The following CHD9 variants were observed in gnomAD, a reference collection of about 807,000 sequenced individuals.
The protein encoded by CHD9 is ATP-dependent chromatin remodeler CHD9.
A neutral mutation model predicts 316.1 loss-of-function variants in CHD9; 77 were observed. That is an observed-to-expected ratio of 0.24 (90% confidence interval 0.20 to 0.29). CHD9 has a LOEUF of 0.29. CHD9 is among the 10% of genes least tolerant of loss of function. The pLI is 1.00. For synonymous variants in CHD9, 1,129 were observed against 1,158.3 expected (o/e 0.97, Z 0.51); for missense variants, 2,763 against 3,438.1 (o/e 0.80, Z 4.91).
At chr16:53,205,154 A>C (rs1443797023) in intron 2 of CHD9, among the ~76,000 whole-genome samples, 1 of 152,130 alleles carries the variant, frequency 6.6e-6, no homozygotes, top group Non-Finnish European at 1.5e-5. Flanking sequence ...TATTTTAATC[A>C]TACAAGCTCA....
chr16:53,268,210 AG>A (rs1348077626), intron 22 of CHD9, 84 bp downstream of exon 22: 11 of 960,210 alleles, frequency 1.1e-5, no homozygotes, highest in African/African-American at 3.3e-5. Flanking sequence ...AAAATATAAA[AG>A]CATTACAAAT....
chr16:53,169,138 G>A (rs867210193), intron 2 of CHD9: 2 of 152,302 alleles, frequency 1.3e-5, no homozygotes, highest in Non-Finnish European at 2.9e-5. Flanking sequence ...TTGAGCATAG[G>A]AGGTCAAAGC....
intron 24 of CHD9, among the ~76,000 whole-genome samples, chr16:53,277,740 A>G (rs900771493): frequency 6.6e-6 from 1 of 152,212 alleles, no homozygotes; most frequent in African/African-American, 2.4e-5. Context: ...TGATCAACAT[A>G]GTACTGGAAG....
chr16:53,198,787 T>C (rs2045181502), intron 2 of CHD9, among the ~76,000 whole-genome samples: 1 of 152,166 alleles, frequency 6.6e-6, no homozygotes, highest in Non-Finnish European at 1.5e-5. Context: ...GAATATTGAA[T>C]CTTGTCACAT....
intron 37 of CHD9, among the ~76,000 whole-genome samples, chr16:53,319,412 A>C (rs78507458): frequency 1.2e-4 from 18 of 152,354 alleles, no homozygotes; most frequent in African/African-American, 3.6e-4. Flanking sequence ...AGTTGTTTTA[A>C]TATTGTTGGG....
At chr16:53,138,491 GA>G (rs2039879395) in intron 1 of CHD9, among the ~76,000 whole-genome samples, 1 of 152,198 alleles carries the variant, frequency 6.6e-6, no homozygotes, top group Admixed American at 6.5e-5. Context: ...CCATAGGGAA[GA>G]AAATTCAAGG....
chr16:53,206,599 T>A (rs1362272529), intron 2 of CHD9, among the ~76,000 whole-genome samples: 1 of 152,156 alleles, frequency 6.6e-6, no homozygotes, highest in African/African-American at 2.4e-5. Flanking sequence ...TCCCCCAGTA[T>A]CCTCATATAA....
At chr16:53,278,573 A>G (rs1745099128) in intron 24 of CHD9, among the ~76,000 whole-genome samples, 1 of 152,214 alleles carries the variant, frequency 6.6e-6, no homozygotes, top group South Asian at 2.1e-4. Context: ...ATGAAACTGG[A>G]TCCTCTTTTC....
intron 20 of CHD9, among the ~76,000 whole-genome samples, chr16:53,265,257 C>T (rs2051542464): frequency 6.6e-6 from 1 of 151,926 alleles, no homozygotes; most frequent in Non-Finnish European, 1.5e-5. Context: ...TTAAAATTAG[C>T]TAGGCGTGAT....
intron 1 of CHD9, among the ~76,000 whole-genome samples, chr16:53,143,560 T>C (rs2040317323): frequency 6.6e-6 from 1 of 151,898 alleles, no homozygotes; most frequent in Admixed American, 6.6e-5. Context: ...GCTAATTTTT[T>C]GTATTTTTAG....
At chr16:53,171,722 C>T (rs909495191) in intron 2 of CHD9, among the ~76,000 whole-genome samples, 4 of 150,782 alleles carry the variant, frequency 2.7e-5, no homozygotes, top group Non-Finnish European at 5.9e-5. Context: ...TGTGGTGATA[C>T]GCACCTGTAG....
intron 36 of CHD9, among the ~76,000 whole-genome samples, 153 bp downstream of exon 36, chr16:53,315,197 A>AT (rs1250263820): frequency 4.6e-5 from 7 of 152,328 alleles, no homozygotes; most frequent in African/African-American, 1.7e-4. Flanking sequence ...CATCCTTCCC[A>AT]TGATACAATA....
chr16:53,254,648 T>G, intron 18 of CHD9, 43 bp downstream of exon 18: 1 of 1,538,384 alleles, frequency 6.5e-7, no homozygotes, highest in Non-Finnish European at 8.8e-7. Flanking sequence ...TGTGTGTTTT[T>G]GCATTTGATT....
At chr16:53,320,080 G>A (rs1417705901) in intron 37 of CHD9, 1 of 168,114 alleles carries the variant, frequency 5.9e-6, no homozygotes, top group Non-Finnish European at 1.2e-5. Flanking sequence ...GGAAGTTCAG[G>A]AGGGATGATT....
At chr16:53,226,255 G>A (rs2047645339) in intron 4 of CHD9, 111 bp from the exon 5 acceptor site, 1 of 640,732 alleles carries the variant, frequency 1.6e-6, no homozygotes, top group Middle Eastern at 4.4e-4. Context: ...AGTACATTGA[G>A]TGTCATGTTG....
intron 5 of CHD9, 65 bp downstream of exon 5, chr16:53,226,577 C>T (rs771317689): frequency 1.1e-5 from 17 of 1,523,184 alleles, no homozygotes; most frequent in Non-Finnish European, 1.4e-5. Flanking sequence ...TAAATACTTG[C>T]ATTGTTTTTC....
chr16:53,252,072 A>G (rs1306677657), intron 17 of CHD9, among the ~76,000 whole-genome samples: 1 of 152,174 alleles, frequency 6.6e-6, no homozygotes, highest in Non-Finnish European at 1.5e-5. Context: ...ATATAGAACC[A>G]AAAAAGAGCC....
intron 2 of CHD9, among the ~76,000 whole-genome samples, chr16:53,163,442 T>A (rs930153455): frequency 5.3e-5 from 8 of 152,162 alleles, no homozygotes; most frequent in African/African-American, 1.9e-4. Flanking sequence ...ACTACCGACC[T>A]CAGGTGATCT....
chr16:53,120,580 T>A lies in CHD9; in HGVS notation c.-164-35346T>A, dbSNP rs372034174. ...GTAAGCCGAGATCGCACCATTGCAC[T>A]CCAGCCTGGGCAACAAGAGTGAAAC... On this transcript the variant is annotated intron_variant, in intron 1 of 38. Transcript: ENST00000447540. 6.6e-5 allele frequency among the ~76,000 whole-genome samples: 10 copies of A among 152,068 alleles called. No homozygotes were observed. The East Asian group carries it at 1.5e-3, about 24-fold the overall frequency.
Sources: allele counts gnomAD v4.1 joint callset (sites outside exome capture counted in the v4.1 genomes callset), GRCh38; gene constraint gnomAD v4.1.1; transcripts MANE v1.5; gene names NCBI Gene and HGNC (gene_info 2026-07-23, HGNC 2026-07-21).